Variants in KCNN2 observed in about 807,000 individuals in gnomAD.
The protein encoded by KCNN2 is small conductance calcium-activated potassium channel protein 2.
KCNN2 carries 24 observed loss-of-function variants against 55.5 expected under a neutral mutation model. The observed-to-expected ratio is 0.43, with a 90% CI of 0.31 to 0.61. KCNN2 has a LOEUF of 0.61. Among genes scored for constraint, KCNN2 ranks in the 20% least tolerant of loss-of-function variants. KCNN2 has a pLI of 0.08. For synonymous variants in KCNN2, 431 were observed against 336.1 expected, an observed-to-expected ratio of 1.28 and a Z score of -3.09; for missense variants, 754 against 853.6, an observed-to-expected ratio of 0.88 and a Z score of 1.45.
At chr5:114,452,361 AT>A (rs1198103062) in intron 3 of KCNN2, among the ~76,000 whole-genome samples, 4 of 152,078 alleles carry the variant, frequency 2.6e-5, no homozygotes, top group Admixed American at 6.6e-5. Context: ...TGTTGCATAT[AT>A]TTTTCTTTGA....
chr5:114,222,278 C>G (rs1189686777), intron 2 of KCNN2, among the ~76,000 whole-genome samples: 1 of 152,032 alleles, frequency 6.6e-6, no homozygotes, highest in Non-Finnish European at 1.5e-5. Context: ...GCTGTAAGAC[C>G]CTAGTAAACA....
chr5:114,154,303 T>C (rs1206107872), intron 1 of KCNN2, among the ~76,000 whole-genome samples: 1 of 152,074 alleles, frequency 6.6e-6, no homozygotes, highest in African/African-American at 2.4e-5. Context: ...ATAAAGGAGC[T>C]TTTAGTGAGC....
chr5:114,122,477 A>G (rs1751846014), intron 1 of KCNN2, among the ~76,000 whole-genome samples: 1 of 152,178 alleles, frequency 6.6e-6, no homozygotes, highest in Admixed American at 6.5e-5. Context: ...AAAAATCACT[A>G]TACCTTATAC....
intron 2 of KCNN2, among the ~76,000 whole-genome samples, chr5:114,285,232 T>G (rs984405273): frequency 1.6e-4 from 21 of 133,744 alleles, no homozygotes; most frequent in Non-Finnish European, 2.6e-4. Flanking sequence ...TGCAGTGAGC[T>G]GAGATCATGC....
chr5:114,458,524 T>G (rs1443336739), intron 3 of KCNN2, among the ~76,000 whole-genome samples: 2 of 152,222 alleles, frequency 1.3e-5, no homozygotes, highest in East Asian at 1.9e-4. Flanking sequence ...ATGTTTCCCT[T>G]TGTCACATTA....
rs1752424139 is a variant in KCNN2 at position 114,147,562 on chromosome 5, A to G, written c.-270-73918A>G. Among the ~76,000 whole-genome samples, 4 of 152,206 alleles carry G rather than the reference A, an allele frequency of 2.6e-5. No homozygotes were observed. The South Asian group carries it at 8.3e-4, about 31-fold the overall frequency. On this transcript the variant is annotated intron_variant, in intron 1 of 10. Transcript: ENST00000512097. ...AAGGAAAAACTAAATTTGTAAAGGC[A>G]AATTTGGGTCAATATGAGAGACTTG...
chr5:114,134,381 C>T (rs1032220301), intron 1 of KCNN2, among the ~76,000 whole-genome samples: 2 of 151,344 alleles, frequency 1.3e-5, no homozygotes, highest in Non-Finnish European at 2.9e-5. Flanking sequence ...GAAAGCTTGA[C>T]TTATATGTTG....
chr5:114,294,871 T>C (rs941313493), intron 2 of KCNN2, among the ~76,000 whole-genome samples: 1 of 152,180 alleles, frequency 6.6e-6, no homozygotes, highest in Admixed American at 6.5e-5. Flanking sequence ...ATTGGGTGCA[T>C]ATATATTTAG....
intron 1 of KCNN2, among the ~76,000 whole-genome samples, chr5:114,129,209 C>T (rs1751999531): frequency 6.6e-6 from 1 of 152,150 alleles, no homozygotes; most frequent in Non-Finnish European, 1.5e-5. Flanking sequence ...CCTTTTCTCC[C>T]TTAACTCCTG....
intron 4 of KCNN2, among the ~76,000 whole-genome samples, chr5:114,466,953 G>A (rs781039190): frequency 2.0e-5 from 3 of 152,064 alleles, no homozygotes; most frequent in Non-Finnish European, 2.9e-5. Flanking sequence ...AAATCACTAC[G>A]CTAATTAAAT....
At chr5:114,247,102 G>A (rs369183183) in intron 2 of KCNN2, among the ~76,000 whole-genome samples, 10 of 148,830 alleles carry the variant, frequency 6.7e-5, no homozygotes, top group Admixed American at 2.7e-4. Flanking sequence ...TTGGGAGCTC[G>A]AGATCAGCGT....
intron 2 of KCNN2, among the ~76,000 whole-genome samples, chr5:114,300,671 T>C (rs1243274565): frequency 6.6e-6 from 1 of 152,224 alleles, no homozygotes; most frequent in East Asian, 1.9e-4. Flanking sequence ...GATTATATTG[T>C]AGAATATTTT....
At chr5:114,089,434 C>T (rs549868905) in intron 1 of KCNN2, among the ~76,000 whole-genome samples, 23 of 152,210 alleles carry the variant, frequency 1.5e-4, no homozygotes, top group African/African-American at 2.4e-4. Flanking sequence ...GCAGTGGGAG[C>T]GCCAGTTGTT....
At chr5:114,449,902 ACACACACGCG>A (rs1472817546) in intron 3 of KCNN2, among the ~76,000 whole-genome samples, 93 of 80,514 alleles carry the variant, frequency 1.2e-3, no homozygotes, top group East Asian at 3.5e-3. Context: ...ACACACACAC[ACACACACGCG>A]CGCGCTCGCG....
intron 2 of KCNN2, among the ~76,000 whole-genome samples, chr5:114,343,050 T>C (rs1359968352): frequency 6.6e-6 from 1 of 152,220 alleles, no homozygotes; most frequent in African/African-American, 2.4e-5. Flanking sequence ...TGTTTATAAA[T>C]ACACTGTTAG....
intron 1 of KCNN2, among the ~76,000 whole-genome samples, chr5:114,135,701 G>T (rs1007771340): frequency 6.6e-6 from 1 of 152,124 alleles, no homozygotes; most frequent in Non-Finnish European, 1.5e-5. Context: ...AGGAAATGTC[G>T]AATGTTAAAT....
chr5:114,393,537 TTTA>T (rs541445230), intron 2 of KCNN2, among the ~76,000 whole-genome samples: 21 of 152,114 alleles, frequency 1.4e-4, no homozygotes, highest in African/African-American at 4.6e-4. Context: ...AAAAACTGCT[TTTA>T]TTATTAACTA....
intron 2 of KCNN2, among the ~76,000 whole-genome samples, chr5:114,339,587 T>A (rs1177330630): frequency 2.0e-5 from 3 of 151,920 alleles, no homozygotes; most frequent in Non-Finnish European, 4.4e-5. Context: ...CGGATTGCTT[T>A]AGCTCACAAG....
chr5:114,310,739 A>G (rs1006349979), intron 2 of KCNN2, among the ~76,000 whole-genome samples: 3 of 152,240 alleles, frequency 2.0e-5, no homozygotes, highest in Admixed American at 1.3e-4. Context: ...TGGCCAGATA[A>G]AATTGCACTT....
Sources: gnomAD v4.1 joint callset for allele counts (sites outside exome capture counted in the v4.1 genomes callset) on GRCh38, gnomAD v4.1.1 for gene constraint, MANE v1.5 for transcripts, NCBI Gene and HGNC (gene_info 2026-07-23, HGNC 2026-07-21) for gene names.